CILK1: variants seen among roughly 807,000 people sequenced by gnomAD.
The protein encoded by CILK1 is serine/threonine-protein kinase ICK.
Under a neutral mutation model 79.2 loss-of-function variants are expected in CILK1, and 47 were observed. The observed-to-expected ratio is 0.59, with a 90% CI of 0.47 to 0.76. The LOEUF is 0.76. Ranked by LOEUF, CILK1 falls within the 30% of genes least tolerant of loss-of-function variation. The pLI is 0.00. For missense variants in CILK1, 660 were observed against 769.5 expected, an observed-to-expected ratio of 0.86 and a Z score of 1.68; for synonymous variants, 266 against 275.9, an observed-to-expected ratio of 0.96 and a Z score of 0.36.
chr6:53,029,977 C>T (rs559757205), intron 5 of CILK1, among the ~76,000 whole-genome samples: 1 of 152,162 alleles, frequency 6.6e-6, no homozygotes, highest in Non-Finnish European at 1.5e-5. Flanking sequence ...TCTGTGCTCA[C>T]AAGAAGTATT....
At chr6:53,012,282 C>G in intron 9 of CILK1, 55 bp from the exon 10 acceptor site, 1 of 1,507,662 alleles carries the variant, frequency 6.6e-7, no homozygotes, top group Non-Finnish European at 9.2e-7. Context: ...CAGAACTCAT[C>G]CATGAGTAAT....
chr6:53,047,900 C>T lies in CILK1; in HGVS notation c.-172-6492G>A, dbSNP rs552125506. ...TACAGAGATGTGGGTTCTGTTTTCT[C>T]GGGGGCTGAATTTGAGGTATGTACA... On this transcript the variant is annotated intron_variant, in intron 1 of 13. Transcript: ENST00000676107. Among the ~76,000 whole-genome samples, 424 of 151,656 alleles carry T rather than the reference C, an allele frequency of 2.8e-3. 2 individuals carry two copies. Among genetic ancestry groups the T allele is most frequent in the Admixed American group, 4.1e-3 (62 of 15,216 alleles).
At chr6:53,029,443 T>C (rs1385759843) in intron 5 of CILK1, among the ~76,000 whole-genome samples, 1 of 152,230 alleles carries the variant, frequency 6.6e-6, no homozygotes, top group African/African-American at 2.4e-5. Context: ...GCATAGTACA[T>C]GCTGATTACT....
intron 12 of CILK1, among the ~76,000 whole-genome samples, chr6:53,008,946 G>A (rs1764399839): frequency 6.6e-6 from 1 of 152,166 alleles, no homozygotes; most frequent in Non-Finnish European, 1.5e-5. Context: ...TCAGCCTTGG[G>A]ACTCAGTAAA....
At chr6:53,013,526 C>T in intron 9 of CILK1, 136 bp downstream of exon 9, 1 of 849,940 alleles carries the variant, frequency 1.2e-6, no homozygotes, top group South Asian at 1.6e-5. Flanking sequence ...AGGGTCTTTA[C>T]AATTCCATGC....
intron 5 of CILK1, among the ~76,000 whole-genome samples, chr6:53,026,375 C>G (rs138733789): frequency 1.6e-3 from 247 of 152,228 alleles, no homozygotes; most frequent in Non-Finnish European, 1.9e-3. Flanking sequence ...TCTCGAACTC[C>G]TGACCTTAGA....
In CILK1 at chr6:53,041,311, A is replaced by G. The variant is rs2127452550; in HGVS notation, c.-75T>C. On this transcript the variant is annotated 5_prime_UTR_variant, in exon 2 of 14. Transcript: ENST00000676107. ...TTCTGCAGTGGTAGCAGTCCTCCCC[A>G]GAGTGTAACCAGATTTTTCGATGGC... 1 of 991,480 alleles carries G rather than the reference A, an allele frequency of 1.0e-6. No individual in the cohort carries two copies. Among genetic ancestry groups the G allele is most frequent in the Non-Finnish European group, 1.6e-6 (1 of 622,298 alleles). The allele number at this position is 991,480 out of a possible 1,614,324, so 61.4% of individuals were successfully genotyped here.
At chr6:53,053,747 T>C (rs1204690867) in intron 1 of CILK1, among the ~76,000 whole-genome samples, 1 of 152,230 alleles carries the variant, frequency 6.6e-6, no homozygotes, top group Non-Finnish European at 1.5e-5. Context: ...ATTGTCTTCA[T>C]TCTGCAATCA....
At chr6:53,050,594 G>A (rs1191120721) in intron 1 of CILK1, among the ~76,000 whole-genome samples, 2 of 152,014 alleles carry the variant, frequency 1.3e-5, no homozygotes, top group Admixed American at 6.5e-5. Context: ...GGGAGGCCCA[G>A]GTGAGCATGT....
intron 1 of CILK1, among the ~76,000 whole-genome samples, chr6:53,044,269 T>C (rs1766910822): frequency 1.3e-5 from 2 of 152,012 alleles, no homozygotes; most frequent in African/African-American, 4.8e-5. Context: ...GCGGCGGCAT[T>C]AGATTCTCAC....
chr6:53,052,769 T>C (rs1767572139), intron 1 of CILK1, among the ~76,000 whole-genome samples: 1 of 151,738 alleles, frequency 6.6e-6, no homozygotes, highest in African/African-American at 2.4e-5. Context: ...GGGAATTTCC[T>C]ATATAAATCC....
intron 1 of CILK1, among the ~76,000 whole-genome samples, chr6:53,042,017 C>T (rs1247052447): frequency 1.3e-5 from 2 of 151,564 alleles, no homozygotes; most frequent in African/African-American, 4.9e-5. Flanking sequence ...TTTTTATGAC[C>T]AGAAATATGC....
chr6:53,045,910 T>C (rs563826841), intron 1 of CILK1, among the ~76,000 whole-genome samples: 1 of 151,586 alleles, frequency 6.6e-6, no homozygotes, highest in South Asian at 2.1e-4. Context: ...CTATAGACAA[T>C]GGGAAGTCAA....
chr6:53,053,843 C>T (rs143875400), intron 1 of CILK1, among the ~76,000 whole-genome samples: 53 of 152,320 alleles, frequency 3.5e-4, no homozygotes, highest in African/African-American at 1.1e-3. Flanking sequence ...AGTTTCCACT[C>T]AGCACTGATC....
At chr6:53,014,144 C>G (rs1705514504) in intron 8 of CILK1, among the ~76,000 whole-genome samples, 162 bp from the exon 9 acceptor site, 1 of 152,080 alleles carries the variant, frequency 6.6e-6, no homozygotes, top group African/African-American at 2.4e-5. Context: ...TTTTTCTTAT[C>G]TAAGATACCA....
chr6:53,032,638 T>C lies in CILK1; in HGVS notation c.173A>G (p.Asn58Ser). 1 of 1,605,508 alleles carries C rather than the reference T, an allele frequency of 6.2e-7. No individual in the cohort carries two copies. The highest frequency in any genetic ancestry group is 8.5e-7 in the Non-Finnish European group (1 of 1,174,036). Residue 58 changes from asparagine to serine, a missense_variant, in exon 4 of 14, where the codon AAC (asparagine) becomes AGC (serine). Physicochemically the swap from Asn to Ser is conservative, Grantham distance 46. Coordinates refer to ENST00000676107, the MANE Select transcript of CILK1 (RefSeq NM_014920.5). ...TTTTAATTTGACTACATTGGCATGG[T>C]TGAGCTTCTTTAAAGACTAAAAGGC... ...LREVKSLKKL[N>S]HANVVKLKEV...
Position 53,004,251 on chromosome 6 carries a change from C to T in CILK1, c.*898G>A, listed in dbSNP as rs766245410. On this transcript the variant is annotated 3_prime_UTR_variant, in exon 14 of 14. Transcript: ENST00000676107. ...AGTTACTATAATCAAAAACCTTCTG[C>T]TGCTTTGATACTTAGTTTTTTGGCC... is the stretch of plus-strand genomic sequence containing the variant. The T allele has an allele frequency of 6.6e-6, 1 of 152,370 alleles. No homozygotes were observed. Among genetic ancestry groups the T allele is most frequent in the African/African-American group, 2.4e-5 (1 of 41,444 alleles). 9.4% of individuals were successfully genotyped at this position (152,370 alleles called of 1,614,324 possible). A position where few individuals can be genotyped will look rare whatever the true frequency, so the allele number is the denominator to read the frequency against.
At chr6:53,031,208 A>G in intron 4 of CILK1, 64 bp from the exon 5 acceptor site, 1 of 999,272 alleles carries the variant, frequency 1.0e-6, no homozygotes, top group Non-Finnish European at 1.6e-6. Flanking sequence ...AATAAATACT[A>G]AAGAATACCA....
At chr6:53,013,536 C>T in intron 9 of CILK1, 126 bp downstream of exon 9, 2 of 890,940 alleles carry the variant, frequency 2.2e-6, no homozygotes, top group African/African-American at 1.6e-5. Context: ...CAATTCCATG[C>T]TGTTGCAAAC....
Sources: allele counts gnomAD v4.1 joint callset (sites outside exome capture counted in the v4.1 genomes callset), GRCh38; gene constraint gnomAD v4.1.1; transcripts MANE v1.5; gene names NCBI Gene and HGNC (gene_info 2026-07-23, HGNC 2026-07-21).